CSMD1: variants seen among roughly 807,000 people sequenced by gnomAD.
CSMD1 encodes CUB and Sushi multiple domains 1, also known as CUB and sushi domain-containing protein 1.
In CSMD1, 213 loss-of-function variants were observed where a neutral mutation model predicts 417.5. The ratio of observed to expected loss-of-function variants is 0.51; its 90% CI spans 0.46 to 0.57. The LOEUF (loss-of-function observed/expected upper bound fraction) is 0.57. Among genes scored for constraint, CSMD1 ranks in the 20% least tolerant of loss-of-function variants. The probability of loss-of-function intolerance (pLI) is 0.00; values close to 1 mark genes in which losing one functional copy is unlikely to be tolerated. For synonymous variants in CSMD1, 2,862 were observed against 1,736.8 expected (o/e 1.65, Z -16.11); for missense variants, 6,923 against 4,529.7 (o/e 1.53, Z -15.17).
intron 1 of CSMD1, among the ~76,000 whole-genome samples, chr8:4,965,738 T>A (rs62489446): frequency 2.0e-5 from 3 of 152,102 alleles, no homozygotes. Context: ...ATTTTTAGAG[T>A]GAAATACTAA....
chr8:2,973,092 G>A lies in CSMD1; in HGVS notation c.8923+25C>T, dbSNP rs768129323. ...CTGTGTGGTTTTAACTTTCAAGGTG[G>A]ACCTTAAGGCTTCTGGCTACTCACC... On this transcript the variant is annotated intron_variant, in intron 57 of 69. Coordinates refer to ENST00000635120, the MANE Select transcript of CSMD1 (RefSeq NM_033225.6). 6 of 1,601,470 alleles carry A rather than the reference G, an allele frequency of 3.7e-6. No individual in the cohort carries two copies. In the South Asian group the frequency reaches 4.5e-5, roughly 12 times the overall value.
intron 3 of CSMD1, among the ~76,000 whole-genome samples, chr8:4,190,798 G>C (rs1044540900): frequency 4.6e-5 from 7 of 152,254 alleles, no homozygotes; most frequent in African/African-American, 1.7e-4. Context: ...GTCCTCTGCA[G>C]GGACATGGAT....
intron 52 of CSMD1, among the ~76,000 whole-genome samples, chr8:3,003,356 C>A (rs1716850041): frequency 6.6e-6 from 1 of 152,062 alleles, no homozygotes; most frequent in Non-Finnish European, 1.5e-5. Flanking sequence ...CTGATGTAGT[C>A]TTGGTTTTGA....
chr8:3,709,680 GTTTTTTTTT>G lies in CSMD1; in HGVS notation c.932-1198_932-1190del, dbSNP rs56272726. 4.3e-3 allele frequency among the ~76,000 whole-genome samples: 145 copies of G among 33,702 alleles called. 8 individuals carry two copies. The highest frequency in any genetic ancestry group is 9.6e-3 in the South Asian group (10 of 1,042). 22.1% of individuals were successfully genotyped at this position (33,702 alleles called of 152,430 possible). ...GATGGGCTTTAAATTGCAGCAGCAT[GTTTTTTTTT>G]TTTTTTTTTTTTTTTTTTTTCCCTG... On this transcript the variant is annotated intron_variant, in intron 6 of 69. Transcript: ENST00000635120.
intron 5 of CSMD1, among the ~76,000 whole-genome samples, chr8:3,932,735 T>C (rs1218922013): frequency 3.3e-5 from 5 of 150,404 alleles, no homozygotes; most frequent in South Asian, 2.1e-4. Context: ...TTAGAAAAAA[T>C]AGTGTAATGG....
intron 1 of CSMD1, among the ~76,000 whole-genome samples, chr8:4,761,732 G>A (rs1267759132): frequency 3.3e-5 from 5 of 152,006 alleles, no homozygotes; most frequent in Admixed American, 3.3e-4. Context: ...TAATGAATTA[G>A]GGCAGAATTA....
chr8:3,499,795 G>A (rs770806719), intron 10 of CSMD1, among the ~76,000 whole-genome samples: 7 of 152,204 alleles, frequency 4.6e-5, no homozygotes, highest in Non-Finnish European at 1.0e-4. Flanking sequence ...GATGATGGCT[G>A]CGTTCTCAAG....
chr8:3,895,209 A>G (rs1807276811), intron 5 of CSMD1, among the ~76,000 whole-genome samples: 1 of 152,204 alleles, frequency 6.6e-6, no homozygotes. Context: ...AAATGGATTT[A>G]ATTAAAATAA....
chr8:3,262,204 T>C lies in CSMD1; in HGVS notation c.4153+21940A>G, dbSNP rs1293263709. ...ATATGAATATATATATATATATATA[T>C]ATATATATATATATATATATATATA... On this transcript the variant is annotated intron_variant, in intron 26 of 69. Coordinates refer to ENST00000635120, the MANE Select transcript of CSMD1 (RefSeq NM_033225.6). 1.5e-4 allele frequency among the ~76,000 whole-genome samples: 14 copies of C among 90,580 alleles called. 1 individual carries two copies. Among genetic ancestry groups the C allele is most frequent in the East Asian group, 8.0e-4 (3 of 3,746 alleles). 59.4% of individuals were successfully genotyped at this position (90,580 alleles called of 152,430 possible). A position where few individuals can be genotyped will look rare whatever the true frequency, so the allele number is the denominator to read the frequency against.
intron 1 of CSMD1, among the ~76,000 whole-genome samples, chr8:4,682,545 A>G (rs1806116787): frequency 6.6e-6 from 1 of 152,148 alleles, no homozygotes; most frequent in Non-Finnish European, 1.5e-5. Context: ...ATCCAATTAG[A>G]ACAGTTGTTT....
chr8:3,429,721 T>C (rs1430250473), intron 12 of CSMD1, among the ~76,000 whole-genome samples: 1 of 152,232 alleles, frequency 6.6e-6, no homozygotes, highest in Admixed American at 6.5e-5. Context: ...GTTAAATTGT[T>C]AGGTTTTTCA....
At chr8:3,063,151 A>C (rs1213586577) in intron 49 of CSMD1, among the ~76,000 whole-genome samples, 5 of 152,138 alleles carry the variant, frequency 3.3e-5, no homozygotes, top group Admixed American at 2.6e-4. Context: ...TTTGTGGCCG[A>C]TTTCAAAGGG....
chr8:4,314,632 C>T (rs1370464688), intron 3 of CSMD1, among the ~76,000 whole-genome samples: 1 of 151,568 alleles, frequency 6.6e-6, no homozygotes, highest in East Asian at 1.9e-4. Context: ...CACACAAAAG[C>T]AATGTAATGT....
chr8:4,380,740 T>A (rs772265154), intron 3 of CSMD1, among the ~76,000 whole-genome samples: 4 of 152,220 alleles, frequency 2.6e-5, no homozygotes, highest in Non-Finnish European at 4.4e-5. Flanking sequence ...CACTTCATAC[T>A]GTCCTCACGA....
chr8:3,596,686 A>G (rs1801110270), intron 8 of CSMD1, among the ~76,000 whole-genome samples: 10 of 152,120 alleles, frequency 6.6e-5, no homozygotes, highest in Admixed American at 6.6e-4. Flanking sequence ...ACCAGCAACC[A>G]CAGTATCCAG....
In CSMD1 at chr8:3,457,495, T is replaced by A. The variant is rs544755340; in HGVS notation, c.1561+11217A>T. Among the ~76,000 whole-genome samples, 355 of 152,306 alleles carry A rather than the reference T, an allele frequency of 2.3e-3. 1 individual carries two copies. Among genetic ancestry groups the A allele is most frequent in the Non-Finnish European group, 2.8e-3 (188 of 68,028 alleles). ...CAAGAGGTGATCTAAAAGAAACGCATTGGAGCTGAGTCATCAAAACCGCAT... is the reference window on the plus strand; with the variant it reads ...CAAGAGGTGATCTAAAAGAAACGCAATGGAGCTGAGTCATCAAAACCGCAT... On this transcript the variant is annotated intron_variant, in intron 12 of 69. Coordinates refer to ENST00000635120, the MANE Select transcript of CSMD1 (RefSeq NM_033225.6).
intron 40 of CSMD1, among the ~76,000 whole-genome samples, chr8:3,147,321 T>C (rs1459460748): frequency 6.6e-6 from 1 of 152,244 alleles, no homozygotes; most frequent in African/African-American, 2.4e-5. Flanking sequence ...TCTCATGATT[T>C]CTACATTTTT....
intron 13 of CSMD1, among the ~76,000 whole-genome samples, chr8:3,408,440 C>T (rs889261005): frequency 1.3e-5 from 2 of 151,152 alleles, no homozygotes; most frequent in East Asian, 1.9e-4. Context: ...ACAACCAGAA[C>T]CTATACATAA....
intron 5 of CSMD1, among the ~76,000 whole-genome samples, chr8:3,920,614 G>C (rs779192415): frequency 2.0e-5 from 3 of 152,052 alleles, no homozygotes; most frequent in Non-Finnish European, 4.4e-5. Context: ...TTATGGGCTT[G>C]TCATATATGA....
Sources: gnomAD v4.1 joint callset for allele counts (sites outside exome capture counted in the v4.1 genomes callset) on GRCh38, gnomAD v4.1.1 for gene constraint, MANE v1.5 for transcripts, NCBI Gene and HGNC (gene_info 2026-07-23, HGNC 2026-07-21) for gene names.